The following SRP68 variants were observed in gnomAD, a reference collection of about 807,000 sequenced individuals.
SRP68 encodes the protein signal recognition particle 68.
Under a neutral mutation model 82.2 loss-of-function variants are expected in SRP68, and 15 were observed. The observed-to-expected ratio is 0.18, with a 90% confidence interval of 0.12 to 0.28. The LOEUF (loss-of-function observed/expected upper bound fraction) is 0.28, where lower values mean the gene tolerates loss of function less well. Ranked by LOEUF, SRP68 falls within the 10% of genes least tolerant of loss-of-function variation. SRP68 has a pLI of 1.00. For missense variants in SRP68, 595 were observed against 780.5 expected, an observed-to-expected ratio of 0.76 and a Z score of 2.83; for synonymous variants, 261 against 292.6, an observed-to-expected ratio of 0.89 and a Z score of 1.10.
rs1024992294 is a variant in SRP68 at position 76,043,699 on chromosome 17, C to T, written c.1524+130G>A. 12 of 977,508 alleles carry T rather than the reference C, an allele frequency of 1.2e-5. No individual in the cohort carries two copies. The Admixed American group carries it at 1.5e-4, about 12-fold the overall frequency. 60.6% of individuals were successfully genotyped at this position (977,508 alleles called of 1,614,324 possible). A position where few individuals can be genotyped will look rare whatever the true frequency, so the allele number is the denominator to read the frequency against. The stretch of plus-strand genomic sequence containing the variant: ...TGCAGCTCCTGGGCAGTCAGGGCTA[C>T]ACCAGGTCCCACGGGCAGCCAGGGA... On this transcript the variant is annotated intron_variant, in intron 13 of 15. Transcript: ENST00000307877.
At chr17:76,057,799 T>G (rs1372228793) in intron 7 of SRP68, among the ~76,000 whole-genome samples, 4 of 151,618 alleles carry the variant, frequency 2.6e-5, no homozygotes, top group Non-Finnish European at 1.5e-5. Flanking sequence ...CTTAGCCTCC[T>G]GAGAAGCTAG....
Position 76,061,983 on chromosome 17 carries a change from TA to T in SRP68, c.562-410del, listed in dbSNP as rs1238292126. ...GCAAGATCTCATCTCTACCAAAAAT[TA>T]AAAAAAAATTACCCGGGTGTGGCCA... On this transcript the variant is annotated intron_variant, in intron 4 of 15. Transcript: ENST00000307877. 2.7e-5 allele frequency among the ~76,000 whole-genome samples: 4 copies of T among 148,920 alleles called. No homozygotes were observed. The Admixed American group carries it at 2.7e-4, about 10-fold the overall frequency.
intron 8 of SRP68, chr17:76,053,749 C>A: frequency 1.5e-6 from 1 of 679,992 alleles, no homozygotes; most frequent in Non-Finnish European, 1.8e-6. Context: ...GAGAAGCTCT[C>A]ATGATTCTCC....
At chr17:76,061,915 G>C (rs1348073515) in intron 4 of SRP68, among the ~76,000 whole-genome samples, 2 of 151,900 alleles carry the variant, frequency 1.3e-5, no homozygotes, top group Admixed American at 6.6e-5. Context: ...GAGGCAGGAG[G>C]GTTACTTGAG....
chr17:76,062,719 T>A (rs1278140217), intron 4 of SRP68, among the ~76,000 whole-genome samples: 5 of 41,922 alleles, frequency 1.2e-4, no homozygotes, highest in South Asian at 1.4e-3. Flanking sequence ...TACAATATAT[T>A]ATATTTATTT....
chr17:76,049,984 G>A (rs1325088056), intron 9 of SRP68, among the ~76,000 whole-genome samples: 2 of 152,210 alleles, frequency 1.3e-5, no homozygotes, highest in Admixed American at 1.3e-4. Context: ...CTAGGCACAC[G>A]AGAAAAGGCT....
chr17:76,057,950 C>T (rs2066723982), intron 7 of SRP68, among the ~76,000 whole-genome samples: 1 of 151,270 alleles, frequency 6.6e-6, no homozygotes, highest in African/African-American at 2.4e-5. Flanking sequence ...GCTGGGATTA[C>T]AAGCATGAGC....
rs964128027 is a variant in SRP68, at chr17:76,071,638, C to A, written c.184+670G>T. 6.6e-6 allele frequency among the ~76,000 whole-genome samples: 1 copy of A among 152,178 alleles called. No individual in the cohort carries two copies. The highest frequency in any genetic ancestry group is 1.5e-5 in the Non-Finnish European group (1 of 68,028). ...ATGTGTTATTTCAGAAACTCGCCTA[C>A]GTTTTCTCCATTTGTTATTCATTTC... On this transcript the variant is annotated intron_variant, in intron 1 of 15. Transcript: ENST00000307877. This position sits in a 1 kb window ranked among gnomAD's most constrained non-coding sequence, Gnocchi z 4.7.
intron 8 of SRP68, among the ~76,000 whole-genome samples, chr17:76,052,405 A>C (rs2066679511): frequency 6.6e-6 from 1 of 152,148 alleles, no homozygotes; most frequent in Non-Finnish European, 1.5e-5. Flanking sequence ...AAGATACATA[A>C]GTCTAGAGTG....
intron 8 of SRP68, among the ~76,000 whole-genome samples, chr17:76,052,318 G>A (rs947052799): frequency 1.3e-5 from 2 of 152,126 alleles, no homozygotes; most frequent in East Asian, 1.9e-4. Flanking sequence ...GAATCACTTC[G>A]TCAACCTTAC....
chr17:76,043,856 A>G lies in SRP68; in HGVS notation c.1497T>C (p.Asp499=). ...VLKYANEVNS[D]AGAFKNSLKD... is the part of the protein sequence containing the mutation. ...TTAGGCTGTTCTTGAAGGCGCCAGC[A>G]TCAGAATTTACTTCATTTGCATATT... The change falls in exon 13 of 16, where the codon GAT becomes GAC. Residue 499 remains aspartate, a synonymous_variant. Transcript: ENST00000307877. 6.2e-7 allele frequency: 1 copy of G among 1,604,828 alleles called. No individual in the cohort carries two copies. Among genetic ancestry groups the G allele is most frequent in the East Asian group, 2.2e-5 (1 of 44,610 alleles).
At chr17:76,058,431 ATTT>A (rs1381923922) in intron 7 of SRP68, among the ~76,000 whole-genome samples, 2 of 151,382 alleles carry the variant, frequency 1.3e-5, no homozygotes, top group East Asian at 1.9e-4. Context: ...TCTGAAAAAA[ATTT>A]TTTTTGTAGA....
rs763278696 is a variant in SRP68 at position 76,064,013 on chromosome 17, C to G, written c.524G>C (p.Ser175Thr). The G allele has an allele frequency of 6.2e-7, 1 of 1,614,168 alleles. No individual in the cohort carries two copies. Among genetic ancestry groups the G allele is most frequent in the Non-Finnish European group, 8.5e-7 (1 of 1,180,000 alleles). Residue 175 changes from serine to threonine, a missense_variant, in exon 4 of 16, where the codon AGC (serine) becomes ACC (threonine). Transcript: ENST00000307877. ...HAEELERLCE[S>T]NRVDAKTKLE... ...TTTGGTCTTGGCATCCACGCGATTG[C>G]TCTCACACAAGCGTTCCAATTCCTC...
At chr17:76,048,886 G>C (rs1285819919) in intron 9 of SRP68, 1 of 152,254 alleles carries the variant, frequency 6.6e-6, no homozygotes, top group Non-Finnish European at 1.5e-5. Flanking sequence ...AGTGACAGGG[G>C]CTGGGACTCT....
In SRP68 at chr17:76,057,559, A is replaced by C. The variant is rs2066721363; in HGVS notation, c.838-16T>G. The C allele has an allele frequency of 5.6e-6, 9 of 1,613,984 alleles. No homozygotes were observed. Among genetic ancestry groups the C allele is most frequent in the Non-Finnish European group, 7.6e-6 (9 of 1,179,882 alleles). On this transcript the variant is annotated splice_polypyrimidine_tract_variant and intron_variant, in intron 7 of 15. Coordinates refer to ENST00000307877, the MANE Select transcript of SRP68 (RefSeq NM_014230.4). ...TGATCAAAGCCTGAAAAATAGTTTA[A>C]AAAAGTTAAAGCTTTAACTGGGGAT...
Position 76,044,767 on chromosome 17 carries a change from G to A in SRP68, c.1394+525C>T, listed in dbSNP as rs184794431. On this transcript the variant is annotated intron_variant, in intron 12 of 15. Transcript: ENST00000307877. ...TTTGTTTTTTTTGAGATGGAGTTTC[G>A]CTCTTGTCTCCCAGGCTGGAGTGCA... 1,218 of 152,410 alleles carry A rather than the reference G, an allele frequency of 8.0e-3. 17 individuals are homozygous for A. Among genetic ancestry groups the A allele is most frequent in the African/African-American group, 0.028 (1,143 of 41,454 alleles). The allele number at this position is 152,410 out of a possible 1,614,324, so 9.4% of individuals were successfully genotyped here.
Position 76,067,228 on chromosome 17 carries a change from C to A in SRP68, c.354G>T (p.Leu118=). 1 of 1,613,220 alleles carries A rather than the reference C, an allele frequency of 6.2e-7. No individual in the cohort carries two copies. The highest frequency in any genetic ancestry group is 1.1e-5 in the South Asian group (1 of 90,970). ...FTGKKVTEEL[L]TDNRYLLLVL... Reference sequence around the variant, plus strand: ...GGAGCAGTCAATACCTATTATCGGTCAGAAGCTCTTCAGTCACTTTCTTCC... The same window carrying A: ...GGAGCAGTCAATACCTATTATCGGTAAGAAGCTCTTCAGTCACTTTCTTCC... The change falls in exon 3 of 16, where the codon CTG becomes CTT. Residue 118 remains leucine (L), a synonymous_variant. Coordinates refer to ENST00000307877, the MANE Select transcript of SRP68 (RefSeq NM_014230.4).
intron 5 of SRP68, 64 bp downstream of exon 5, chr17:76,061,428 C>A: frequency 1.4e-6 from 2 of 1,409,360 alleles, no homozygotes; most frequent in Non-Finnish European, 2.0e-6. Context: ...ACTATCTGAT[C>A]TGCAGCTTAA....
chr17:76,052,269 G>T (rs935010301), intron 8 of SRP68, among the ~76,000 whole-genome samples: 3 of 152,310 alleles, frequency 2.0e-5, no homozygotes, highest in East Asian at 3.9e-4. Context: ...ATGCTTTATA[G>T]AATATTGTTG....
Sources: allele counts gnomAD v4.1 joint callset (sites outside exome capture counted in the v4.1 genomes callset), GRCh38; gene constraint gnomAD v4.1.1; non-coding constraint Gnocchi (gnomAD v3.1); transcripts MANE v1.5; gene names NCBI Gene and HGNC (gene_info 2026-07-23, HGNC 2026-07-21).